NALF1: variants seen among roughly 807,000 people sequenced by gnomAD.
NALF1 encodes NALCN channel auxiliary factor 1, also known as family with sequence similarity 155 member A.
Under a neutral mutation model 48.4 loss-of-function variants are expected in NALF1, and 3 were observed. That is an observed-to-expected ratio of 0.06 (90% confidence interval 0.03 to 0.16). NALF1 has a LOEUF of 0.16. Ranked by LOEUF, NALF1 falls within the 10% of genes least tolerant of loss-of-function variation. The pLI is 1.00. For missense variants in NALF1, 526 were observed against 571.5 expected (o/e 0.92, Z 0.81); for synonymous variants, 262 against 245.7 (o/e 1.07, Z -0.62).
At chr13:107,587,529 G>C (rs528296821) in intron 1 of NALF1, among the ~76,000 whole-genome samples, 1 of 152,150 alleles carries the variant, frequency 6.6e-6, no homozygotes, top group African/African-American at 2.4e-5. Flanking sequence ...TGTTATAGCT[G>C]GGCAGAGGGA....
At chr13:107,691,660 T>C (rs867076755) in intron 1 of NALF1, among the ~76,000 whole-genome samples, 1 of 152,214 alleles carries the variant, frequency 6.6e-6, no homozygotes, top group Non-Finnish European at 1.5e-5. Flanking sequence ...ATACTATATA[T>C]GAATGTTGTG....
intron 1 of NALF1, among the ~76,000 whole-genome samples, chr13:107,486,256 G>C (rs772618594): frequency 6.6e-6 from 1 of 152,168 alleles, no homozygotes; most frequent in African/African-American, 2.4e-5. Flanking sequence ...GAGCTAAGCT[G>C]ATTGGACACT....
intron 2 of NALF1, among the ~76,000 whole-genome samples, chr13:107,201,155 T>C (rs79824293): frequency 0.021 from 3,171 of 148,240 alleles, 132 homozygotes; most frequent in African/African-American, 0.078. Context: ...TATCTATCTA[T>C]CTATCTATCT....
intron 1 of NALF1, among the ~76,000 whole-genome samples, chr13:107,476,268 C>T (rs758692096): frequency 3.3e-5 from 5 of 151,932 alleles, no homozygotes; most frequent in South Asian, 2.1e-4. Context: ...TCATCAAAGG[C>T]GGTGATTATA....
chr13:107,682,170 T>C (rs1312409607), intron 1 of NALF1, among the ~76,000 whole-genome samples: 1 of 152,224 alleles, frequency 6.6e-6, no homozygotes, highest in African/African-American at 2.4e-5. Flanking sequence ...CCCGCATTGA[T>C]TCCTCTAACC....
chr13:107,425,620 T>C, intron 1 of NALF1, among the ~76,000 whole-genome samples: 1 of 152,260 alleles, frequency 6.6e-6, no homozygotes, highest in Non-Finnish European at 1.5e-5. Flanking sequence ...ATCTGTATAT[T>C]ACGATGATAT....
intron 1 of NALF1, among the ~76,000 whole-genome samples, chr13:107,662,480 C>A (rs1378738258): frequency 6.6e-6 from 1 of 152,110 alleles, no homozygotes. Context: ...GGAAAATTAA[C>A]CCTGATAACT....
chr13:107,363,145 A>G lies in NALF1; in HGVS notation c.916-152390T>C, dbSNP rs146658524. Among the ~76,000 whole-genome samples the G allele has an allele frequency of 7.1e-3, 1,079 of 152,336 alleles. 39 individuals are homozygous for G. Among genetic ancestry groups the G allele is most frequent in the East Asian group, 0.011 (57 of 5,192 alleles). ...TCATTTGTTCATTTCTATTGAAACT[A>G]TCAGATATCCCTCTAAAAATCTTAG... On this transcript the variant is annotated intron_variant, in intron 1 of 2. Transcript: ENST00000375915.
rs144281578 is a variant in NALF1 at position 107,717,720 on chromosome 13, A to G, written c.915+147962T>C. ...CCTTCTGAAAGCCAGGAGTGGGGAAAGTAAGGCAGCACCCTCCGTGGCTTC... is the reference window on the plus strand; with the variant it reads ...CCTTCTGAAAGCCAGGAGTGGGGAAGGTAAGGCAGCACCCTCCGTGGCTTC... On this transcript the variant is annotated intron_variant, in intron 1 of 2. Coordinates refer to ENST00000375915, the MANE Select transcript of NALF1 (RefSeq NM_001080396.3). 2.4e-3 allele frequency among the ~76,000 whole-genome samples: 361 copies of G among 152,304 alleles called. 1 individual carries two copies. The highest frequency in any genetic ancestry group is 8.3e-3 in the African/African-American group (343 of 41,568).
At chr13:107,326,855 G>GAATGCCTAACCCCAAAA (rs1882374255) in intron 1 of NALF1, among the ~76,000 whole-genome samples, 1 of 146,718 alleles carries the variant, frequency 6.8e-6, no homozygotes. Flanking sequence ...CCAGATCCTG[G>GAATGCCTAACCCCAAAA]TCTCCACTGG....
At chr13:107,464,948 C>T (rs930478415) in intron 1 of NALF1, among the ~76,000 whole-genome samples, 2 of 152,078 alleles carry the variant, frequency 1.3e-5, no homozygotes, top group Non-Finnish European at 1.5e-5. Flanking sequence ...GATCTCTATT[C>T]TGGAGTCATT....
chr13:107,598,036 A>AT (rs971612638), intron 1 of NALF1, among the ~76,000 whole-genome samples: 13 of 152,280 alleles, frequency 8.5e-5, no homozygotes, highest in African/African-American at 3.1e-4. Context: ...ATTAAACTAA[A>AT]TTTTTCTAGG....
chr13:107,405,778 C>T (rs780239907), intron 1 of NALF1, among the ~76,000 whole-genome samples: 3 of 152,074 alleles, frequency 2.0e-5, no homozygotes, highest in Non-Finnish European at 2.9e-5. Flanking sequence ...TTAAAAAAAA[C>T]TACAGAATGG....
chr13:107,616,511 T>G (rs1195847871), intron 1 of NALF1, among the ~76,000 whole-genome samples: 4 of 152,182 alleles, frequency 2.6e-5, no homozygotes, highest in Non-Finnish European at 5.9e-5. Context: ...TGTGTTAAAA[T>G]TGAAAACAAA....
chr13:107,273,431 G>T (rs947899194), intron 1 of NALF1, among the ~76,000 whole-genome samples: 4 of 152,162 alleles, frequency 2.6e-5, no homozygotes, highest in Non-Finnish European at 5.9e-5. Context: ...TGTTACAGGT[G>T]CCTCAGCCAT....
intron 2 of NALF1, among the ~76,000 whole-genome samples, chr13:107,174,529 G>A (rs1219165439): frequency 2.0e-4 from 31 of 151,472 alleles, no homozygotes. Context: ...CTAATTTTTT[G>A]TATTTTTAGT....
intron 1 of NALF1, among the ~76,000 whole-genome samples, chr13:107,352,502 A>G (rs562010841): frequency 6.1e-4 from 93 of 152,244 alleles, no homozygotes; most frequent in Non-Finnish European, 1.1e-3. Context: ...CATGTTGCCA[A>G]TGTGGCTGAG....
rs887582779 is a variant in NALF1, at chr13:107,472,091, G to C, written c.916-261336C>G. Among the ~76,000 whole-genome samples the C allele has an allele frequency of 3.6e-4, 55 of 152,136 alleles. 1 individual carries two copies. Among genetic ancestry groups the C allele is most frequent in the African/African-American group, 1.3e-3 (53 of 41,384 alleles). On this transcript the variant is annotated intron_variant, in intron 1 of 2. Coordinates refer to ENST00000375915, the MANE Select transcript of NALF1 (RefSeq NM_001080396.3). ...TCACGCCTGTAATCTCAGAACTTTG[G>C]GAGGCTGAGGCAGGCAGATCACTGG...
chr13:107,340,471 C>CTCTT (rs975492064), intron 1 of NALF1, among the ~76,000 whole-genome samples: 1 of 79,256 alleles, frequency 1.3e-5, no homozygotes, highest in African/African-American at 2.9e-5. Flanking sequence ...TCTTTCTTCT[C>CTCTT]TCTTTCTTTC....
Sources: allele counts gnomAD v4.1 joint callset (sites outside exome capture counted in the v4.1 genomes callset), GRCh38; gene constraint gnomAD v4.1.1; transcripts MANE v1.5; gene names NCBI Gene and HGNC (gene_info 2026-07-23, HGNC 2026-07-21).